The following C2orf72 variants were observed in gnomAD, a reference collection of about 807,000 sequenced individuals.
The protein encoded by C2orf72 is uncharacterized protein C2orf72.
In C2orf72, 16 loss-of-function variants were observed where a neutral mutation model predicts 14.4. That is an observed-to-expected ratio of 1.11 (90% CI 0.75 to 1.69). The LOEUF (loss-of-function observed/expected upper bound fraction) is 1.69. C2orf72 is among the 40% of genes most tolerant of loss of function. The pLI, the probability that C2orf72 is intolerant of heterozygous loss-of-function variation, is 0.00. For missense variants in C2orf72, 371 were observed against 358.3 expected (o/e 1.04, Z -0.29); for synonymous variants, 168 against 176.8 (o/e 0.95, Z 0.40).
intron 1 of C2orf72, among the ~76,000 whole-genome samples, chr2:231,039,766 G>A (rs1489696925): frequency 6.7e-6 from 1 of 148,372 alleles, no homozygotes; most frequent in Non-Finnish European, 1.5e-5. Context: ...TTTTTTAGAT[G>A]AAGTCTCTCT....
intron 2 of C2orf72, among the ~76,000 whole-genome samples, chr2:231,045,846 C>T (rs1693408823): frequency 6.6e-6 from 1 of 152,156 alleles, no homozygotes; most frequent in Admixed American, 6.5e-5. Flanking sequence ...TGGGACCACT[C>T]TCTTATTAAG....
At chr2:231,042,856 T>G (rs1171828324) in intron 2 of C2orf72, among the ~76,000 whole-genome samples, 1 of 152,084 alleles carries the variant, frequency 6.6e-6, no homozygotes, top group Admixed American at 6.5e-5. Context: ...AATACAAAAT[T>G]AGCCGGGTGT....
intron 2 of C2orf72, among the ~76,000 whole-genome samples, chr2:231,043,439 C>G (rs1693371074): frequency 6.6e-6 from 1 of 151,966 alleles, no homozygotes; most frequent in Non-Finnish European, 1.5e-5. Context: ...AAACATCATT[C>G]ACTTAATTCC....
At chr2:231,043,899 G>A (rs1394133479) in intron 2 of C2orf72, among the ~76,000 whole-genome samples, 1 of 152,138 alleles carries the variant, frequency 6.6e-6, no homozygotes, top group Non-Finnish European at 1.5e-5. Context: ...TTTGTTGTGT[G>A]AACACGATAG....
rs773390819 is a variant in C2orf72, at chr2:231,041,441, G to T, written c.748+32G>T. On this transcript the variant is annotated intron_variant, in intron 2 of 2. Coordinates refer to ENST00000373640, the MANE Select transcript of C2orf72 (RefSeq NM_001144994.2). ...GCTCCCCGACCTCCTGCATCCTGAG[G>T]GCCAGGTGCATGGAATTATGGGAGT... 4.7e-6 allele frequency: 7 copies of T among 1,482,468 alleles called. No individual in the cohort carries two copies. In the South Asian group the frequency reaches 7.3e-5, roughly 15 times the overall value. The allele number at this position is 1,482,468 out of a possible 1,614,324, so 91.8% of individuals were successfully genotyped here.
chr2:231,037,699 G>T lies in C2orf72; in HGVS notation c.134G>T (p.Ser45Ile). ...GGCGAGCTGTGGGAGCGCGAACAGA[G>T]CCGCGCGCTGCTGCGGGACTTCGCA... ...LVGELWEREQ[S>I]RALLRDFARA... The change falls in exon 1 of 3, where the codon AGC (serine) becomes ATC (isoleucine). Residue 45 changes from serine to isoleucine, a missense_variant. Transcript: ENST00000373640. 9.6e-7 allele frequency: 1 copy of T among 1,044,504 alleles called. No individual in the cohort carries two copies. Among genetic ancestry groups the T allele is most frequent in the East Asian group, 8.2e-5 (1 of 12,122 alleles). 64.7% of individuals were successfully genotyped at this position (1,044,504 alleles called of 1,614,324 possible).
chr2:231,038,380 T>G (rs961693923), intron 1 of C2orf72, among the ~76,000 whole-genome samples, 181 bp downstream of exon 1: 1 of 151,840 alleles, frequency 6.6e-6, no homozygotes, highest in Non-Finnish European at 1.5e-5. Flanking sequence ...GCGGATCGAG[T>G]CTGTCCCGGA....
At chr2:231,041,192 A>G in intron 1 of C2orf72, 104 bp from the exon 2 acceptor site, 1 of 777,790 alleles carries the variant, frequency 1.3e-6, no homozygotes, top group Non-Finnish European at 2.0e-6. Context: ...AGTTGAAACT[A>G]GGGCAGTTGA....
intron 2 of C2orf72, among the ~76,000 whole-genome samples, chr2:231,046,418 T>A (rs1319626435): frequency 6.6e-6 from 1 of 151,370 alleles, no homozygotes; most frequent in Non-Finnish European, 1.5e-5. Flanking sequence ...ACTCAACCAG[T>A]CCCATTGTTG....
intron 1 of C2orf72, among the ~76,000 whole-genome samples, chr2:231,040,848 G>A (rs1693331501): frequency 6.6e-6 from 1 of 152,082 alleles, no homozygotes; most frequent in African/African-American, 2.4e-5. Flanking sequence ...GTTGCCTGAA[G>A]TCTTTTAAAA....
intron 2 of C2orf72, among the ~76,000 whole-genome samples, chr2:231,043,325 C>CATAA (rs2125137654): frequency 1.3e-5 from 2 of 151,594 alleles, no homozygotes; most frequent in South Asian, 4.2e-4. Flanking sequence ...CAAGGAAGGG[C>CATAA]TTTATAAGGG....
Position 231,047,024 on chromosome 2 carries a change from G to C in C2orf72, c.*3G>C, listed in dbSNP as rs1429488942. 1.9e-6 allele frequency: 3 copies of C among 1,551,526 alleles called. No individual in the cohort carries two copies. The highest frequency in any genetic ancestry group is 3.9e-5 in the Admixed American group (2 of 50,980). ...AGCCCACCGGAGACTCAAGATGAAGGCTGGACCCTTGCGCTGTCCCTGGCT... is the reference window on the plus strand; with the variant it reads ...AGCCCACCGGAGACTCAAGATGAAGCCTGGACCCTTGCGCTGTCCCTGGCT... On this transcript the variant is annotated 3_prime_UTR_variant, in exon 3 of 3. Transcript: ENST00000373640.
In C2orf72 at chr2:231,047,174, T is replaced by C; in HGVS notation, c.*153T>C. On this transcript the variant is annotated 3_prime_UTR_variant, in exon 3 of 3. Coordinates refer to ENST00000373640, the MANE Select transcript of C2orf72 (RefSeq NM_001144994.2). ...TTACCAGCTAGACAGTGGGGCTTAC[T>C]AAGACAAGCAGGACCTAAAACAGTG... The C allele has an allele frequency of 1.1e-6, 1 of 936,068 alleles. No homozygotes were observed. Among genetic ancestry groups the C allele is most frequent in the Non-Finnish European group, 1.7e-6 (1 of 596,146 alleles). The allele number at this position is 936,068 out of a possible 1,614,324, so 58.0% of individuals were successfully genotyped here.
In C2orf72 at chr2:231,047,789, T is replaced by C. The variant is rs1225035096; in HGVS notation, c.*768T>C. 6.5e-6 allele frequency: 1 copy of C among 154,032 alleles called. No homozygotes were observed. Among genetic ancestry groups the C allele is most frequent in the Non-Finnish European group, 1.4e-5 (1 of 69,354 alleles). 9.5% of individuals were successfully genotyped at this position (154,032 alleles called of 1,614,324 possible). A position where few individuals can be genotyped will look rare whatever the true frequency, so the allele number is the denominator to read the frequency against. The stretch of plus-strand genomic sequence containing the variant: ...TCCCAGAGCAAGCCAAAATAAAGAC[T>C]ACACTGTTGCCTTGGGGGCTTGTCG... On this transcript the variant is annotated 3_prime_UTR_variant, in exon 3 of 3. Transcript: ENST00000373640.
At chr2:231,046,245 G>A (rs900209923) in intron 2 of C2orf72, among the ~76,000 whole-genome samples, 6 of 150,988 alleles carry the variant, frequency 4.0e-5, no homozygotes, top group Admixed American at 6.6e-5. Context: ...TGACACTGAC[G>A]TAATCCACAG....
At chr2:231,041,171 T>G (rs2279999) in intron 1 of C2orf72, 125 bp from the exon 2 acceptor site, 27,872 of 659,822 alleles carry the variant, frequency 0.042, 908 homozygotes, top group East Asian at 0.16. Context: ...ACTCTGTGTT[T>G]TTAATCAGAC....
In C2orf72 at chr2:231,048,817, C is replaced by G. The variant is rs1440056567; in HGVS notation, c.*1796C>G. The G allele has an allele frequency of 1.3e-5, 2 of 152,170 alleles. No individual in the cohort carries two copies. The highest frequency in any genetic ancestry group is 4.8e-5 in the African/African-American group (2 of 41,434). The allele number at this position is 152,170 out of a possible 1,614,324, so 9.4% of individuals were successfully genotyped here. The stretch of plus-strand genomic sequence containing the variant: ...AGAATGAGTTCAATGAATTGTGATT[C>G]ACTGATTTTATTGATTTTGTTTTAA... On this transcript the variant is annotated 3_prime_UTR_variant, in exon 3 of 3. Transcript: ENST00000373640.
In C2orf72 at chr2:231,047,006, C is replaced by T. The variant is rs530796995; in HGVS notation, c.873C>T (p.Thr291=). 37 of 1,551,666 alleles carry T rather than the reference C, an allele frequency of 2.4e-5. No individual in the cohort carries two copies. Among genetic ancestry groups the T allele is most frequent in the Non-Finnish European group, 2.8e-5 (32 of 1,146,984 alleles). Residue 291 remains threonine, a synonymous_variant, in exon 3 of 3, where the codon ACC becomes ACT. Transcript: ENST00000373640. ...TCGTACACACTCCTGCTGAGCCCACCGGAGACTCAAGATGAAGGCTGGACC... is the reference window on the plus strand; with the variant it reads ...TCGTACACACTCCTGCTGAGCCCACTGGAGACTCAAGATGAAGGCTGGACC... The part of the protein sequence containing the change: ...DGVVHTPAEP[T]GDSR
chr2:231,049,342 G>A lies in C2orf72; in HGVS notation c.*2321G>A, dbSNP rs1693460808. ...GCCTCCCAAGTGACAATACGGGGCT[G>A]AGATCCCTCTCAGCTTCTTTGAGAT... On this transcript the variant is annotated 3_prime_UTR_variant, in exon 3 of 3. Coordinates refer to ENST00000373640, the MANE Select transcript of C2orf72 (RefSeq NM_001144994.2). The A allele has an allele frequency of 6.6e-6, 1 of 152,272 alleles. No individual in the cohort carries two copies. The highest frequency in any genetic ancestry group is 1.5e-5 in the Non-Finnish European group (1 of 68,062). The allele number at this position is 152,272 out of a possible 1,614,324, so 9.4% of individuals were successfully genotyped here.
Sources: gnomAD v4.1 joint callset for allele counts (sites outside exome capture counted in the v4.1 genomes callset) on GRCh38, gnomAD v4.1.1 for gene constraint, MANE v1.5 for transcripts, NCBI Gene and HGNC (gene_info 2026-07-23, HGNC 2026-07-21) for gene names.